The following PPP2R2C variants were observed in gnomAD, a reference collection of about 807,000 sequenced individuals.
PPP2R2C encodes protein phosphatase 2, regulatory subunit B, gamma.
PPP2R2C carries 10 observed loss-of-function variants against 45.3 expected under a neutral mutation model. That is an observed-to-expected ratio of 0.22 (90% confidence interval 0.14 to 0.37). The LOEUF (loss-of-function observed/expected upper bound fraction) is 0.37, where lower values mean the gene tolerates loss of function less well. Ranked by LOEUF, PPP2R2C falls within the 10% of genes least tolerant of loss-of-function variation. PPP2R2C has a pLI of 1.00. For synonymous variants in PPP2R2C, 257 were observed against 245.4 expected (o/e 1.05, Z -0.44); for missense variants, 308 against 619.7 (o/e 0.50, Z 5.34).
rs1302806742 is a variant in PPP2R2C, at chr4:6,526,749, G to C, written c.49+8522C>G. Among the ~76,000 whole-genome samples the C allele has an allele frequency of 2.6e-5, 4 of 152,202 alleles. No homozygotes were observed. In the East Asian group the frequency reaches 7.7e-4, roughly 29 times the overall value. Reference sequence around the variant, plus strand: ...TGGAGGAAGAAAGAGGTAGAGGGGTGAGAGGGTGCAGAGAACCAACCCTGG... The same window carrying C: ...TGGAGGAAGAAAGAGGTAGAGGGGTCAGAGGGTGCAGAGAACCAACCCTGG... On this transcript the variant is annotated intron_variant, in intron 2 of 9. Coordinates refer to the PPP2R2C transcript ENST00000506140.
At chr4:6,336,294 T>G (rs1732841957) in intron 6 of PPP2R2C, among the ~76,000 whole-genome samples, 1 of 151,936 alleles carries the variant, frequency 6.6e-6, no homozygotes, top group African/African-American at 2.4e-5. Flanking sequence ...GCCCGAGCTT[T>G]CCTCTTTCCA....
At chr4:6,511,483 GTGT>G (rs1483293345) in intron 2 of PPP2R2C, among the ~76,000 whole-genome samples, 1 of 106,712 alleles carries the variant, frequency 9.4e-6, no homozygotes, top group Non-Finnish European at 2.0e-5. Flanking sequence ...GGTGATGGCG[GTGT>G]TGGTGGTGAT....
At chr4:6,422,038 T>A (rs965288028) in intron 1 of PPP2R2C, among the ~76,000 whole-genome samples, 1 of 142,494 alleles carries the variant, frequency 7.0e-6, no homozygotes, top group East Asian at 2.0e-4. Context: ...TGCAGCCGGA[T>A]GGCACATTGG....
chr4:6,347,865 C>A lies in PPP2R2C; in HGVS notation c.771G>T (p.Leu257=). The A allele has an allele frequency of 6.2e-7, 1 of 1,612,432 alleles. No homozygotes were observed. The highest frequency in any genetic ancestry group is 8.5e-7 in the Non-Finnish European group (1 of 1,179,548). The change falls in exon 6 of 9, where the codon CTG becomes CTT. Residue 257 remains leucine, a synonymous_variant. Coordinates refer to ENST00000382599, the MANE Select transcript of PPP2R2C (RefSeq NM_020416.4). ...ACTTACGCTTGGAATGCTTGTCACA[C>A]AGGGCAGCTGCCCGCATGTCGCAGA... ...LRLCDMRAAA[L]CDKHSKLFEE...
intron 1 of PPP2R2C, among the ~76,000 whole-genome samples, chr4:6,562,248 C>T (rs544705103): frequency 7.9e-5 from 12 of 152,266 alleles, no homozygotes; most frequent in South Asian, 6.2e-4. Flanking sequence ...CTGTGGGCAA[C>T]GGGCCCCACT....
chr4:6,550,987 C>T (rs1157573707), intron 1 of PPP2R2C, among the ~76,000 whole-genome samples: 1 of 152,186 alleles, frequency 6.6e-6, no homozygotes, highest in Non-Finnish European at 1.5e-5. Flanking sequence ...GAAAGAGAGT[C>T]CTCCTGGAGG....
intron 1 of PPP2R2C, among the ~76,000 whole-genome samples, chr4:6,455,319 G>A (rs1412373194): frequency 1.3e-5 from 2 of 152,136 alleles, no homozygotes; most frequent in Non-Finnish European, 2.9e-5. Context: ...AGAATAATCT[G>A]GAATACAGGA....
rs779378774 is a variant in PPP2R2C, at chr4:6,323,251, C to T, written c.*51G>A. 3.7e-5 allele frequency: 57 copies of T among 1,544,242 alleles called. No homozygotes were observed. The highest frequency in any genetic ancestry group is 9.1e-5 in the East Asian group (4 of 43,850). ...TGCATTGCGGTCGTGAAGGTCATGT[C>T]GGGGATGACTTGCATGAGGCTGGGT... On this transcript the variant is annotated 3_prime_UTR_variant, in exon 9 of 9. Coordinates refer to ENST00000382599, the MANE Select transcript of PPP2R2C (RefSeq NM_020416.4).
At chr4:6,506,415 C>T (rs535614907) in intron 2 of PPP2R2C, among the ~76,000 whole-genome samples, 6 of 152,168 alleles carry the variant, frequency 3.9e-5, no homozygotes, top group Non-Finnish European at 5.9e-5. Context: ...ACAAACGTCA[C>T]GTGGAACACA....
rs1560500778 is a variant in PPP2R2C at position 6,382,097 on chromosome 4, C to T, written c.71-1003G>A. 4 of 1,343,730 alleles carry T rather than the reference C, an allele frequency of 3.0e-6. No homozygotes were observed. In the Admixed American group the frequency reaches 1.4e-4, roughly 46 times the overall value. 83.2% of individuals were successfully genotyped at this position (1,343,730 alleles called of 1,614,324 possible). On this transcript the variant is annotated intron_variant, in intron 1 of 8. Transcript: ENST00000382599. The stretch of plus-strand genomic sequence containing the variant: ...TACTGCAGCCCCAAAATGATTATTA[C>T]TTTTAATTTGAAGTCATTCTTAATA...
At chr4:6,340,445 T>C (rs1368588521) in intron 6 of PPP2R2C, among the ~76,000 whole-genome samples, 1 of 152,168 alleles carries the variant, frequency 6.6e-6, no homozygotes, top group Non-Finnish European at 1.5e-5. Flanking sequence ...ACTTATTTAC[T>C]AGTCCCCTTC....
chr4:6,348,027 C>A lies in PPP2R2C; in HGVS notation c.626-17G>T. On this transcript the variant is annotated splice_polypyrimidine_tract_variant and intron_variant, in intron 5 of 8. Transcript: ENST00000382599. Reference sequence around the variant, plus strand: ...CCACGATGTCTGGGGGCAGTGCGGTCAAGGAAGGGGCAGTGAAGGGCGCCC... The same window carrying A: ...CCACGATGTCTGGGGGCAGTGCGGTAAAGGAAGGGGCAGTGAAGGGCGCCC... The A allele has an allele frequency of 1.2e-6, 2 of 1,612,076 alleles. No individual in the cohort carries two copies. Among genetic ancestry groups the A allele is most frequent in the South Asian group, 1.1e-5 (1 of 90,896 alleles).
chr4:6,559,390 A>G (rs1725503652), intron 1 of PPP2R2C, among the ~76,000 whole-genome samples: 3 of 139,838 alleles, frequency 2.1e-5, no homozygotes, highest in African/African-American at 8.2e-5. Context: ...CTGAAAAAAT[A>G]CACAGCACAC....
At chr4:6,474,998 A>G (rs1722089351), upstream of PPP2R2C, among the ~76,000 whole-genome samples, 1 of 152,200 alleles carries the variant, frequency 6.6e-6, no homozygotes, top group South Asian at 2.1e-4. Context: ...TCAATGAGGA[A>G]TGTTTATTGA....
At chr4:6,505,091 A>T (rs1032290344) in intron 2 of PPP2R2C, among the ~76,000 whole-genome samples, 3 of 152,174 alleles carry the variant, frequency 2.0e-5, no homozygotes, top group African/African-American at 7.2e-5. Context: ...CAATGACTTG[A>T]TCCACTACTG....
At chr4:6,401,878 T>C (rs1238520934) in intron 1 of PPP2R2C, among the ~76,000 whole-genome samples, 1 of 152,192 alleles carries the variant, frequency 6.6e-6, no homozygotes. Flanking sequence ...CCAGACACTG[T>C]ACTGGATGCC....
chr4:6,397,451 G>A (rs922381959), intron 1 of PPP2R2C, among the ~76,000 whole-genome samples: 3 of 145,038 alleles, frequency 2.1e-5, no homozygotes, highest in African/African-American at 7.5e-5. Context: ...GGTGCAGGGT[G>A]AGGGAACAGA....
chr4:6,560,549 C>A (rs1009529634), intron 1 of PPP2R2C, among the ~76,000 whole-genome samples: 5 of 152,112 alleles, frequency 3.3e-5, no homozygotes, highest in African/African-American at 9.7e-5. Flanking sequence ...CAGGTTGTGG[C>A]GGAAGGAAAG....
chr4:6,492,148 G>A (rs1722717500), intron 2 of PPP2R2C, among the ~76,000 whole-genome samples: 1 of 152,202 alleles, frequency 6.6e-6, no homozygotes, highest in Non-Finnish European at 1.5e-5. Context: ...GGGCCCTGGG[G>A]CTTAAACTCC....
Sources: allele counts gnomAD v4.1 joint callset (sites outside exome capture counted in the v4.1 genomes callset), GRCh38; gene constraint gnomAD v4.1.1; transcripts MANE v1.5; gene names NCBI Gene and HGNC (gene_info 2026-07-23, HGNC 2026-07-21).